GRIP2: variants seen among roughly 807,000 people sequenced by gnomAD.
GRIP2 encodes the protein glutamate receptor interacting protein 2.
In GRIP2, 58 loss-of-function variants were observed where a neutral mutation model predicts 108.3. That is an observed-to-expected ratio of 0.54 (90% CI 0.43 to 0.67). GRIP2 has a LOEUF of 0.67. Among genes scored for constraint, GRIP2 ranks in the 30% least tolerant of loss-of-function variants. The probability of loss-of-function intolerance (pLI) is 0.00; values close to 1 mark genes in which losing one functional copy is unlikely to be tolerated. For synonymous variants in GRIP2, 586 were observed against 598.2 expected (o/e 0.98, Z 0.30); for missense variants, 1,278 against 1,430.6 (o/e 0.89, Z 1.72).
chr3:14,509,677 G>C (rs901443936), intron 17 of GRIP2, 143 bp downstream of exon 17: 2 of 840,316 alleles, frequency 2.4e-6, no homozygotes, highest in African/African-American at 3.5e-5. Context: ...GAGTCTCAGA[G>C]AGGGGAAGTG....
the GRIP2 span, among the ~76,000 whole-genome samples, chr3:14,598,882 G>A: frequency 7.2e-5 from 11 of 152,132 alleles, no homozygotes; most frequent in Non-Finnish European, 1.5e-4. Context: ...TTTTCCTTCT[G>A]CTCTTGGTGT....
chr3:14,573,349 G>A, the GRIP2 span: 4 of 1,353,900 alleles, frequency 3.0e-6, no homozygotes, highest in African/African-American at 5.7e-5. Flanking sequence ...GCTATGTGGT[G>A]CCACCCTGCC....
intron 2 of GRIP2, 57 bp downstream of exon 2, chr3:14,525,794 C>A: frequency 2.0e-6 from 3 of 1,515,752 alleles, no homozygotes. Flanking sequence ...TGACCCCCAC[C>A]TAGGGCTCTC....
rs1410491007 is a variant in GRIP2, at chr3:14,494,978, G to T, written c.2835C>A (p.His945Gln). Residue 945 changes from histidine to glutamine, a missense_variant, in exon 23 of 24, where the codon CAC (histidine) becomes CAA (glutamine). Physicochemically the swap from His to Gln is conservative, Grantham distance 24. Transcript: ENST00000621039. Reference protein sequence around the residue: ...TPLEMHKVTLHKDPMRHDFGF... With the variant: ...TPLEMHKVTLQKDPMRHDFGF... The stretch of plus-strand genomic sequence containing the variant: ...CAAAGTCATGCCGCATGGGGTCCTT[G>T]TGCAGGGTCACCTGGAAGCAGAAGG... 1 of 1,613,722 alleles carries T rather than the reference G, an allele frequency of 6.2e-7. No homozygotes were observed. The highest frequency in any genetic ancestry group is 8.5e-7 in the Non-Finnish European group (1 of 1,179,804).
intron 1 of GRIP2, among the ~76,000 whole-genome samples, chr3:14,532,944 A>C (rs535349343): frequency 2.0e-5 from 3 of 152,346 alleles, no homozygotes; most frequent in African/African-American, 7.2e-5. Context: ...GAAAGGTCCC[A>C]GTTGCCAACT....
chr3:14,524,287 C>T (rs1027934775), intron 4 of GRIP2, 106 bp downstream of exon 4: 17 of 1,327,062 alleles, frequency 1.3e-5, no homozygotes, highest in Middle Eastern at 2.6e-4. Context: ...CAGGTTCTAC[C>T]CACTCCATCT....
At chr3:14,524,202 C>G (rs1158443132) in intron 4 of GRIP2, 191 bp downstream of exon 4, 6 of 621,732 alleles carry the variant, frequency 9.7e-6, no homozygotes, top group Non-Finnish European at 1.7e-5. Flanking sequence ...TAGAGTCCCA[C>G]CACCTCCTGG....
At chr3:14,523,766 G>T in intron 4 of GRIP2, 68 bp from the exon 5 acceptor site, 1 of 1,046,536 alleles carries the variant, frequency 9.6e-7, no homozygotes, top group Non-Finnish European at 1.5e-6. Flanking sequence ...TGTGCCCAAA[G>T]CTCATTCCAG....
At chr3:14,590,396 A>T in the GRIP2 span, among the ~76,000 whole-genome samples, 5 of 152,110 alleles carry the variant, frequency 3.3e-5, no homozygotes, top group African/African-American at 1.2e-4. Context: ...CTTCTGAATG[A>T]TTTCTTTTGT....
chr3:14,529,637 T>A (rs1694657856), intron 1 of GRIP2, among the ~76,000 whole-genome samples: 1 of 137,870 alleles, frequency 7.3e-6, no homozygotes, highest in South Asian at 2.4e-4. Context: ...GTTTTTATAT[T>A]TTGCTCTTCC....
rs757397888 is a variant in GRIP2, at chr3:14,507,653, A to T, written c.2126T>A (p.Val709Asp). 1.2e-6 allele frequency: 2 copies of T among 1,613,992 alleles called. No homozygotes were observed. Among genetic ancestry groups the T allele is most frequent in the Non-Finnish European group, 1.7e-6 (2 of 1,179,860 alleles). The change falls in exon 18 of 24, where the codon GTT becomes GAT. Residue 709 changes from valine to aspartate, a missense_variant. Val to Asp is a radical substitution (Grantham distance 152). Coordinates refer to ENST00000621039, the MANE Select transcript of GRIP2 (RefSeq NM_001080423.4). This position sits in a 1 kb window ranked among gnomAD's most constrained non-coding sequence, Gnocchi z 4.6. ...VGDRILAINN[V>D]SLKGRPLSEA... is the part of the protein sequence containing the mutation. The stretch of plus-strand genomic sequence containing the variant: ...GCTCAGCGGCCGGCCCTTGAGGCTA[A>T]CGTTGTTGATGGCCAGAATGCGGTC...
At chr3:14,564,834 A>G in the GRIP2 span, among the ~76,000 whole-genome samples, 3 of 152,230 alleles carry the variant, frequency 2.0e-5, no homozygotes, top group South Asian at 6.2e-4. Flanking sequence ...ATCAGGCAGG[A>G]GGCCAAGGTC....
Position 14,512,779 on chromosome 3 carries a change from C to G in GRIP2, c.1718G>C (p.Ser573Thr), listed in dbSNP as rs754688569. 1.9e-6 allele frequency: 3 copies of G among 1,613,252 alleles called. No homozygotes were observed. Among genetic ancestry groups the G allele is most frequent in the African/African-American group, 2.7e-5 (2 of 74,932 alleles). The change falls in exon 14 of 24, where the codon AGC becomes ACC. Residue 573 changes from serine to threonine, a missense_variant and splice_region_variant. Physicochemically the swap from Ser to Thr is moderately conservative, Grantham distance 58 (BLOSUM62 1). Transcript: ENST00000621039. The surrounding 1 kb of genome is among the most constrained non-coding windows in gnomAD (Gnocchi z 5.1). ...KRSVELGITI[S>T]SASRKRGEPL... The stretch of plus-strand genomic sequence containing the variant: ...AACAGCAGCGGGAGGAGACTCACAG[C>G]TGATGGTGATGCCCAGCTCCACGCT...
At chr3:14,585,597 G>T in the GRIP2 span, among the ~76,000 whole-genome samples, 1 of 152,208 alleles carries the variant, frequency 6.6e-6, no homozygotes, top group Non-Finnish European at 1.5e-5. Flanking sequence ...GACGTGAGCT[G>T]CAAGGAGGAG....
upstream of GRIP2, among the ~76,000 whole-genome samples, chr3:14,558,551 A>G (rs979311357): frequency 1.3e-5 from 2 of 152,144 alleles, no homozygotes; most frequent in African/African-American, 4.8e-5. Flanking sequence ...TAAATAAATA[A>G]GGAGGCCGAG....
At chr3:14,556,390 T>C (rs1357904537), upstream of GRIP2, among the ~76,000 whole-genome samples, 2 of 152,188 alleles carry the variant, frequency 1.3e-5, no homozygotes, top group South Asian at 2.1e-4. Flanking sequence ...TCCCCTCTAG[T>C]GGGACTCCAT....
At chr3:14,574,215 C>T in the GRIP2 span, 4 of 865,210 alleles carry the variant, frequency 4.6e-6, no homozygotes, top group South Asian at 4.0e-5. Flanking sequence ...GGGCCTGTGG[C>T]TGTCCATGTC....
chr3:14,535,075 C>T (rs747432871), intron 1 of GRIP2, among the ~76,000 whole-genome samples: 6 of 151,980 alleles, frequency 3.9e-5, no homozygotes, highest in Admixed American at 2.0e-4. Flanking sequence ...GCGAACAGGA[C>T]ATGATTTGCA....
rs949869480 is a variant in GRIP2, at chr3:14,492,868, G to C, written c.*797C>G. On this transcript the variant is annotated 3_prime_UTR_variant, in exon 24 of 24. Transcript: ENST00000621039. The stretch of plus-strand genomic sequence containing the variant: ...CAAGGCCCATAGAGCCTGCCCAATG[G>C]GCCCAGAACCACAGTCTCAAGTCCC... 1.3e-4 allele frequency: 20 copies of C among 152,348 alleles called. No homozygotes were observed. The highest frequency in any genetic ancestry group is 4.1e-4 in the African/African-American group (17 of 41,572). 9.4% of individuals were successfully genotyped at this position (152,348 alleles called of 1,614,324 possible).
Sources: allele counts gnomAD v4.1 joint callset (sites outside exome capture counted in the v4.1 genomes callset), GRCh38; gene constraint gnomAD v4.1.1; non-coding constraint Gnocchi (gnomAD v3.1); transcripts MANE v1.5; gene names NCBI Gene and HGNC (gene_info 2026-07-23, HGNC 2026-07-21).